NKAIN3: variants seen among roughly 807,000 people sequenced by gnomAD.
The protein encoded by NKAIN3 is sodium/potassium transporting ATPase interacting 3.
In NKAIN3, 25 loss-of-function variants were observed where a neutral mutation model predicts 30.2. That is an observed-to-expected ratio of 0.83 (90% CI 0.60 to 1.16). The LOEUF (loss-of-function observed/expected upper bound fraction) is 1.16. Ranked by LOEUF, NKAIN3 falls within the 50% of genes most tolerant of loss-of-function variation. The pLI is 0.00. For missense variants in NKAIN3, 225 were observed against 254.1 expected (o/e 0.89, Z 0.78); for synonymous variants, 91 against 89.6 (o/e 1.02, Z -0.09).
intron 4 of NKAIN3, among the ~76,000 whole-genome samples, chr8:62,779,475 A>T (rs1817290502): frequency 6.6e-6 from 1 of 152,008 alleles, no homozygotes; most frequent in Non-Finnish European, 1.5e-5. Context: ...GTTGCTTTCC[A>T]CTGAGACAGC....
rs181903292 is a variant in NKAIN3, at chr8:62,968,540, A to C, written c.*3133A>C. Among the ~76,000 whole-genome samples the C allele has an allele frequency of 6.6e-6, 1 of 152,316 alleles. No individual in the cohort carries two copies. The stretch of plus-strand genomic sequence containing the variant: ...GCATTCATTGGTCAGAATCTTAACT[A>C]TCTTAAGAGATGGTGCAGCTCTAGA... On this transcript the variant is annotated 3_prime_UTR_variant, in exon 7 of 7. Transcript: ENST00000623646.
chr8:62,990,380 A>C (rs924659924), intron 5 of NKAIN3: 5 of 1,233,810 alleles, frequency 4.1e-6, no homozygotes, highest in Non-Finnish European at 5.1e-6. Flanking sequence ...CTAATATATA[A>C]ATTTTATGAA....
At position 62,744,638 on chromosome 8, in the gene NKAIN3, T is replaced by C. The variant is rs1396431136; in HGVS notation, c.274-2294T>C. On this transcript the variant is annotated intron_variant, in intron 3 of 6. Coordinates refer to ENST00000623646, the MANE Select transcript of NKAIN3 (RefSeq NM_001304533.3). ...CTTCTGTAATGAGCACATCTAACTG[T>C]AAGAAATTAAATCTGATGACCAAAA... Among the ~76,000 whole-genome samples the C allele has an allele frequency of 7.2e-5, 11 of 152,190 alleles. No homozygotes were observed. In the East Asian group the frequency reaches 1.9e-3, roughly 27 times the overall value.
chr8:62,990,326 T>C (rs1418694929), intron 5 of NKAIN3: 2 of 1,364,704 alleles, frequency 1.5e-6, no homozygotes, highest in Non-Finnish European at 1.9e-6. Flanking sequence ...AGAGTGTCAT[T>C]CTAAACCCCA....
At chr8:62,675,200 CAA>C (rs1185100181) in intron 3 of NKAIN3, among the ~76,000 whole-genome samples, 2 of 152,156 alleles carry the variant, frequency 1.3e-5, no homozygotes, top group African/African-American at 4.8e-5. Flanking sequence ...TTGTAGACTG[CAA>C]AGTGATGTAA....
intron 1 of NKAIN3, among the ~76,000 whole-genome samples, chr8:62,542,426 G>A (rs528819961): frequency 3.9e-4 from 59 of 152,046 alleles, no homozygotes; most frequent in African/African-American, 1.0e-3. Context: ...CTTTATTTGC[G>A]TAACTATGAA....
chr8:62,478,460 A>C (rs1023220962), intron 1 of NKAIN3, among the ~76,000 whole-genome samples: 8 of 152,278 alleles, frequency 5.3e-5, no homozygotes, highest in Non-Finnish European at 8.8e-5. Flanking sequence ...TATATAATTC[A>C]CAGAAGAACT....
chr8:62,763,247 A>C (rs1158197710), intron 4 of NKAIN3, among the ~76,000 whole-genome samples: 2 of 141,996 alleles, frequency 1.4e-5, no homozygotes, highest in Admixed American at 6.9e-5. Flanking sequence ...AAAAAAAAAA[A>C]AAAAAAAAAA....
chr8:62,660,809 A>G (rs1352981426), intron 3 of NKAIN3, among the ~76,000 whole-genome samples: 1 of 152,154 alleles, frequency 6.6e-6, no homozygotes, highest in Non-Finnish European at 1.5e-5. Flanking sequence ...AAGTCCACAT[A>G]CCTCAGCCAA....
intron 1 of NKAIN3, among the ~76,000 whole-genome samples, chr8:62,538,394 C>T (rs903182028): frequency 2.6e-5 from 4 of 152,122 alleles, no homozygotes; most frequent in Admixed American, 6.6e-5. Flanking sequence ...AGGCTGTTCT[C>T]GAGCTCCTGA....
intron 1 of NKAIN3, among the ~76,000 whole-genome samples, chr8:62,396,582 A>G (rs888155891): frequency 1.3e-5 from 2 of 152,212 alleles, no homozygotes; most frequent in African/African-American, 4.8e-5. Flanking sequence ...TGCTTAAACA[A>G]TTGTGGCTCT....
intron 3 of NKAIN3, among the ~76,000 whole-genome samples, chr8:62,705,732 T>C (rs1814498175): frequency 1.3e-5 from 2 of 152,156 alleles, no homozygotes; most frequent in African/African-American, 4.8e-5. Context: ...GCTTGTGCAC[T>C]TATGTTTCTG....
intron 3 of NKAIN3, among the ~76,000 whole-genome samples, chr8:62,657,064 GT>G (rs1363679039): frequency 1.3e-5 from 2 of 152,088 alleles, no homozygotes; most frequent in Non-Finnish European, 2.9e-5. Flanking sequence ...AACCCTCACT[GT>G]TTTTGGCTAT....
chr8:62,965,206 C>A, intron 6 of NKAIN3, 148 bp from the exon 7 acceptor site: 1 of 683,854 alleles, frequency 1.5e-6, no homozygotes, highest in Non-Finnish European at 1.8e-6. Context: ...CAGGAAGGCC[C>A]AAGTCTTTAA....
chr8:62,385,695 C>A (rs62509220), intron 1 of NKAIN3, among the ~76,000 whole-genome samples: 21,039 of 152,080 alleles, frequency 0.14, 1,743 homozygotes, highest in East Asian at 0.4. Context: ...TATAGTCAAA[C>A]CCTTTCACAT....
intron 4 of NKAIN3, among the ~76,000 whole-genome samples, chr8:62,878,186 G>A (rs565071003): frequency 1.3e-5 from 2 of 152,112 alleles, no homozygotes; most frequent in Admixed American, 1.3e-4. Context: ...TTTTAGTAAG[G>A]AAATATGTAG....
intron 1 of NKAIN3, among the ~76,000 whole-genome samples, chr8:62,487,442 T>C (rs1806937883): frequency 6.6e-6 from 1 of 152,156 alleles, no homozygotes; most frequent in Non-Finnish European, 1.5e-5. Context: ...ATATGGACAA[T>C]GTCATTCTTG....
At chr8:62,902,858 C>CA (rs1318699596) in intron 4 of NKAIN3, among the ~76,000 whole-genome samples, 2 of 152,074 alleles carry the variant, frequency 1.3e-5, no homozygotes, top group Non-Finnish European at 2.9e-5. Flanking sequence ...GGCCCCTTTA[C>CA]AAAAAAATCT....
At chr8:62,391,709 T>C (rs1210764277) in intron 1 of NKAIN3, among the ~76,000 whole-genome samples, 7 of 152,192 alleles carry the variant, frequency 4.6e-5, no homozygotes, top group Middle Eastern at 6.8e-3. Context: ...TTTTGAAATA[T>C]AATTTACAGA....
Sources: allele counts gnomAD v4.1 joint callset (sites outside exome capture counted in the v4.1 genomes callset), GRCh38; gene constraint gnomAD v4.1.1; transcripts MANE v1.5; gene names NCBI Gene and HGNC (gene_info 2026-07-23, HGNC 2026-07-21).